Variants in MYH10 observed in about 807,000 individuals in gnomAD.
MYH10 encodes myosin-10.
Under a neutral mutation model 257.8 loss-of-function variants are expected in MYH10, and 55 were observed. The ratio of observed to expected loss-of-function variants is 0.21; its 90% CI spans 0.17 to 0.27. The LOEUF is 0.27. Among genes scored for constraint, MYH10 ranks in the 10% least tolerant of loss-of-function variants. The pLI, the probability that MYH10 is intolerant of heterozygous loss-of-function variation, is 1.00. For synonymous variants in MYH10, 854 were observed against 921.7 expected, an observed-to-expected ratio of 0.93 and a Z score of 1.33; for missense variants, 1,631 against 2,500.6, an observed-to-expected ratio of 0.65 and a Z score of 7.42.
rs573855219 is a variant in MYH10, at chr17:8,551,398, A to G, written c.919+648T>C. 2.6e-5 allele frequency among the ~76,000 whole-genome samples: 4 copies of G among 152,316 alleles called. 1 individual carries two copies. Among genetic ancestry groups the G allele is most frequent in the African/African-American group, 9.6e-5 (4 of 41,580 alleles). On this transcript the variant is annotated intron_variant, in intron 9 of 42. Transcript: ENST00000360416. The stretch of plus-strand genomic sequence containing the variant: ...GCAAAAGCCTGGATGCCAGATGAGA[A>G]AACTTTTACTGTATATGTGTCTACT...
chr17:8,584,105 T>C (rs2083809407), intron 4 of MYH10, among the ~76,000 whole-genome samples: 1 of 152,264 alleles, frequency 6.6e-6, no homozygotes, highest in East Asian at 1.9e-4. Flanking sequence ...AGAGGATGCA[T>C]GCAGCCTGAG....
At chr17:8,479,855 A>G (rs565371938) in intron 40 of MYH10, among the ~76,000 whole-genome samples, 13 of 152,324 alleles carry the variant, frequency 8.5e-5, no homozygotes, top group African/African-American at 2.9e-4. Flanking sequence ...ATGCAAACTC[A>G]GGGTGCCTAG....
At chr17:8,491,946 C>A (rs1448045947) in intron 34 of MYH10, among the ~76,000 whole-genome samples, 1 of 152,216 alleles carries the variant, frequency 6.6e-6, no homozygotes, top group Non-Finnish European at 1.5e-5. Context: ...CAGGTCCCCA[C>A]TCACCTCATG....
intron 3 of MYH10, among the ~76,000 whole-genome samples, chr17:8,595,425 C>CTTTTTTTTTTTTTTTTTTTTTTTTTTTT (rs10664342): frequency 1.2e-5 from 1 of 84,210 alleles, no homozygotes. Context: ...AAGAACAGTT[C>CTTTTTTTTTTTTTTTTTTTTTTTTTTTT]TTTTTTTTTT....
intron 35 of MYH10, among the ~76,000 whole-genome samples, chr17:8,488,910 C>T (rs967706549): frequency 3.9e-5 from 6 of 152,164 alleles, no homozygotes; most frequent in Admixed American, 6.5e-5. Context: ...AAAATTTCTA[C>T]AAATTCTTTA....
At chr17:8,518,025 C>CGTGTGTGTGTGT (rs34409328) in intron 21 of MYH10, among the ~76,000 whole-genome samples, 35,926 of 123,806 alleles carry the variant, frequency 0.29, 6,966 homozygotes, top group East Asian at 0.39. Flanking sequence ...CCCTTGGCCC[C>CGTGTGTGTGTGT]GTGTGTGTGT....
chr17:8,535,214 C>T lies in MYH10; in HGVS notation c.1894+173G>A, dbSNP rs2082107913. On this transcript the variant is annotated intron_variant, in intron 16 of 42. Transcript: ENST00000360416. This position sits in a 1 kb window ranked among gnomAD's most constrained non-coding sequence, Gnocchi z 4.3. Reference sequence around the variant, plus strand: ...CTGTCTCTGTATTCATTTCTTAACCCAAGTATTGTTAAAACGGATAAATTC... The same window carrying T: ...CTGTCTCTGTATTCATTTCTTAACCTAAGTATTGTTAAAACGGATAAATTC... Among the ~76,000 whole-genome samples the T allele has an allele frequency of 6.6e-6, 1 of 152,176 alleles. No homozygotes were observed. The highest frequency in any genetic ancestry group is 2.4e-5 in the African/African-American group (1 of 41,444).
At chr17:8,629,577 C>A (rs2085822262) in intron 1 of MYH10, among the ~76,000 whole-genome samples, 1 of 152,110 alleles carries the variant, frequency 6.6e-6, no homozygotes, top group African/African-American at 2.4e-5. Context: ...CCCACAAAGC[C>A]CCCACAAATG....
At chr17:8,568,577 T>G (rs1310591289) in intron 7 of MYH10, among the ~76,000 whole-genome samples, 2 of 152,028 alleles carry the variant, frequency 1.3e-5, no homozygotes, top group Non-Finnish European at 2.9e-5. Flanking sequence ...TTACCAATAC[T>G]TCAGAGCAGG....
chr17:8,599,855 A>G (rs2084524189), intron 3 of MYH10, among the ~76,000 whole-genome samples: 1 of 152,228 alleles, frequency 6.6e-6, no homozygotes. Context: ...AGGTAAGACC[A>G]GCCTTTGACA....
Position 8,475,618 on chromosome 17 carries a change from A to C in MYH10, c.*186T>G. ...ATATGTGTCCTGTGTGTGTCTATAT[A>C]TAAAAAGGGGAGCAATTGTACCTAA... On this transcript the variant is annotated 3_prime_UTR_variant, in exon 43 of 43. Transcript: ENST00000360416. 1 of 627,010 alleles carries C rather than the reference A, an allele frequency of 1.6e-6. No homozygotes were observed. 38.8% of individuals were successfully genotyped at this position (627,010 alleles called of 1,614,324 possible).
chr17:8,501,167 C>A (rs1395409501), intron 28 of MYH10, among the ~76,000 whole-genome samples, 197 bp from the exon 29 acceptor site: 1 of 152,142 alleles, frequency 6.6e-6, no homozygotes, highest in Non-Finnish European at 1.5e-5. Context: ...AGTAGTGGTT[C>A]ATGCCTATAA....
rs1318371537 is a variant in MYH10, at chr17:8,474,740, A to G, written c.*1064T>C. 1 of 152,776 alleles carries G rather than the reference A, an allele frequency of 6.5e-6. No individual in the cohort carries two copies. The highest frequency in any genetic ancestry group is 1.5e-5 in the Non-Finnish European group (1 of 68,134). 9.5% of individuals were successfully genotyped at this position (152,776 alleles called of 1,614,324 possible). On this transcript the variant is annotated 3_prime_UTR_variant, in exon 43 of 43. Transcript: ENST00000360416. ...AACAGGATGCTAAGTGTTCACTGTA[A>G]CACTGTCCAAAGGGAAGGGAGAAGG...
At chr17:8,610,271 C>CCAAAAAAAAAAAAA (rs2084977373) in intron 2 of MYH10, among the ~76,000 whole-genome samples, 1 of 45,972 alleles carries the variant, frequency 2.2e-5, no homozygotes, top group Non-Finnish European at 3.5e-5. Flanking sequence ...CATAGGATTG[C>CCAAAAAAAAAAAAA]AAAAAAAAAA....
At chr17:8,527,508 C>T (rs748745310) in intron 17 of MYH10, among the ~76,000 whole-genome samples, 5 of 152,192 alleles carry the variant, frequency 3.3e-5, no homozygotes, top group Non-Finnish European at 7.4e-5. Flanking sequence ...TGAGACTGGG[C>T]AGCCTGGCAC....
intron 38 of MYH10, 73 bp downstream of exon 38, chr17:8,481,241 AGGTGTGTG>A: frequency 7.3e-7 from 1 of 1,369,076 alleles, no homozygotes; most frequent in Non-Finnish European, 1.0e-6. Context: ...CGCTGATGCC[AGGTGTGTG>A]GACACCTCCA....
chr17:8,587,188 C>T (rs371649682), intron 4 of MYH10, among the ~76,000 whole-genome samples: 32 of 152,276 alleles, frequency 2.1e-4, no homozygotes, highest in Non-Finnish European at 3.5e-4. Flanking sequence ...TGTCCGTAGA[C>T]GCAGCAGTGA....
In MYH10 at chr17:8,535,610, A is replaced by G. The variant is rs1054742302; in HGVS notation, c.1780-109T>C. The G allele has an allele frequency of 1.6e-5, 20 of 1,238,390 alleles. No homozygotes were observed. Among genetic ancestry groups the G allele is most frequent in the Middle Eastern group, 1.9e-4 (1 of 5,148 alleles). 76.7% of individuals were successfully genotyped at this position (1,238,390 alleles called of 1,614,324 possible). On this transcript the variant is annotated intron_variant, in intron 15 of 42. Coordinates refer to ENST00000360416, the MANE Select transcript of MYH10 (RefSeq NM_001256012.3). This position sits in a 1 kb window ranked among gnomAD's most constrained non-coding sequence, Gnocchi z 4.3. ...AAACTTTTATACAACAGTCCCCAAA[A>G]TGGGCTGTCTGAAAGACAATATGTT...
intron 14 of MYH10, among the ~76,000 whole-genome samples, chr17:8,536,998 G>GT (rs1225453576): frequency 6.6e-6 from 1 of 152,166 alleles, no homozygotes; most frequent in Non-Finnish European, 1.5e-5. Context: ...CTGACTTGTA[G>GT]TTTTAAAAGG....
Sources: allele counts gnomAD v4.1 joint callset (sites outside exome capture counted in the v4.1 genomes callset), GRCh38; gene constraint gnomAD v4.1.1; non-coding constraint Gnocchi (gnomAD v3.1); transcripts MANE v1.5; gene names NCBI Gene and HGNC (gene_info 2026-07-23, HGNC 2026-07-21).